Variants in SUGCT observed in about 807,000 individuals in gnomAD.
SUGCT encodes the protein succinyl-CoA:glutarate CoA-transferase.
In SUGCT, 41 loss-of-function variants were observed where a neutral mutation model predicts 55.0. That is an observed-to-expected ratio of 0.74 (90% confidence interval 0.58 to 0.97). The LOEUF is 0.97. SUGCT is among the 50% of genes least tolerant of loss of function. The pLI is 0.00. For synonymous variants in SUGCT, 187 were observed against 200.4 expected (o/e 0.93, Z 0.56); for missense variants, 568 against 547.8 (o/e 1.04, Z -0.37).
At chr7:40,515,771 A>G (rs970147761) in intron 12 of SUGCT, among the ~76,000 whole-genome samples, 3 of 152,200 alleles carry the variant, frequency 2.0e-5, no homozygotes, top group Non-Finnish European at 4.4e-5. Context: ...TAGTATGTCT[A>G]TGTAAATTCA....
the SUGCT span, among the ~76,000 whole-genome samples, chr7:40,905,028 G>A: frequency 2.0e-4 from 30 of 152,088 alleles, no homozygotes; most frequent in Non-Finnish European, 4.3e-4. Flanking sequence ...CTATAACATG[G>A]TTAACTCATG....
At chr7:40,498,399 A>T (rs902114926) in intron 12 of SUGCT, among the ~76,000 whole-genome samples, 1 of 152,188 alleles carries the variant, frequency 6.6e-6, no homozygotes, top group Non-Finnish European at 1.5e-5. Context: ...GTAGGGGTTA[A>T]TGAGTTGTTT....
At chr7:40,592,069 A>G (rs975568173) in intron 12 of SUGCT, among the ~76,000 whole-genome samples, 3 of 152,218 alleles carry the variant, frequency 2.0e-5, no homozygotes, top group Admixed American at 1.3e-4. Flanking sequence ...TTGCAAAAAG[A>G]CAGAATTTTT....
At chr7:40,740,559 T>C (rs1184278424) in intron 12 of SUGCT, among the ~76,000 whole-genome samples, 1 of 150,446 alleles carries the variant, frequency 6.6e-6, no homozygotes, top group Non-Finnish European at 1.5e-5. Flanking sequence ...ATTTTTATTA[T>C]TTTATTTTTA....
intron 12 of SUGCT, among the ~76,000 whole-genome samples, chr7:40,592,314 A>G (rs982987469): frequency 6.6e-6 from 1 of 152,166 alleles, no homozygotes; most frequent in Admixed American, 6.6e-5. Flanking sequence ...CAGAGATTCA[A>G]ATAAAATAAT....
intron 7 of SUGCT, among the ~76,000 whole-genome samples, chr7:40,248,013 GTTT>G (rs70996895): frequency 8.1e-6 from 1 of 123,064 alleles, no homozygotes; most frequent in African/African-American, 3.0e-5. Context: ...TTGTTTTTTT[GTTT>G]TTTTTTTTTT....
intron 13 of SUGCT, among the ~76,000 whole-genome samples, chr7:40,766,995 G>A (rs80302463): frequency 0.025 from 3,763 of 152,206 alleles, 171 homozygotes; most frequent in African/African-American, 0.085. Flanking sequence ...TATTGATGAT[G>A]ATGATTACAT....
chr7:40,371,505 G>T (rs545885853), intron 9 of SUGCT, among the ~76,000 whole-genome samples: 34 of 152,010 alleles, frequency 2.2e-4, no homozygotes, highest in Non-Finnish European at 4.9e-4. Flanking sequence ...TGCACTTCAG[G>T]TTCCTAAAAG....
chr7:40,838,447 T>G (rs1793103012), intron 13 of SUGCT, among the ~76,000 whole-genome samples: 1 of 152,220 alleles, frequency 6.6e-6, no homozygotes, highest in Non-Finnish European at 1.5e-5. Context: ...TTATCAGCAT[T>G]TTGTAATGTT....
chr7:40,811,938 A>G (rs1791440478), intron 13 of SUGCT, among the ~76,000 whole-genome samples: 1 of 152,036 alleles, frequency 6.6e-6, no homozygotes, highest in South Asian at 2.1e-4. Context: ...ATGTATGTTC[A>G]TTCAATGCCA....
the SUGCT span, among the ~76,000 whole-genome samples, chr7:40,918,850 A>G: frequency 1.3e-5 from 2 of 152,232 alleles, no homozygotes; most frequent in Admixed American, 6.5e-5. Flanking sequence ...ACAGGGTAAT[A>G]CTTTTAATCT....
intron 12 of SUGCT, among the ~76,000 whole-genome samples, chr7:40,575,338 C>A (rs1009282119): frequency 2.6e-5 from 4 of 151,906 alleles, no homozygotes; most frequent in Admixed American, 6.6e-5. Flanking sequence ...ATTTAAAAAA[C>A]AACAACAACA....
At chr7:41,018,230 C>G in the SUGCT span, among the ~76,000 whole-genome samples, 1 of 152,060 alleles carries the variant, frequency 6.6e-6, no homozygotes, top group Non-Finnish European at 1.5e-5. Context: ...ATAGGAAATG[C>G]AATCAAATGA....
chr7:40,268,642 T>C (rs2150982744), intron 7 of SUGCT, among the ~76,000 whole-genome samples: 1 of 150,918 alleles, frequency 6.6e-6, no homozygotes. Flanking sequence ...GCTTTCATTT[T>C]CTTGTTTTTA....
chr7:40,221,820 A>G (rs983343575), intron 6 of SUGCT, among the ~76,000 whole-genome samples: 12 of 152,314 alleles, frequency 7.9e-5, no homozygotes, highest in Non-Finnish European at 1.3e-4. Flanking sequence ...ATAAATGTTA[A>G]TTGAATGTTC....
chr7:40,822,887 A>T (rs1248698525), intron 13 of SUGCT, among the ~76,000 whole-genome samples: 1 of 152,190 alleles, frequency 6.6e-6, no homozygotes, highest in African/African-American at 2.4e-5. Flanking sequence ...GAAAGGAAAG[A>T]GTGGGAAATT....
intron 11 of SUGCT, among the ~76,000 whole-genome samples, chr7:40,474,334 G>A (rs1056061944): frequency 6.6e-6 from 1 of 152,024 alleles, no homozygotes; most frequent in Non-Finnish European, 1.5e-5. Context: ...AGGGAAGTGA[G>A]GCAGATAAAC....
At chr7:40,500,237 GCA>G (rs1201649376) in intron 12 of SUGCT, among the ~76,000 whole-genome samples, 1 of 152,138 alleles carries the variant, frequency 6.6e-6, no homozygotes, top group African/African-American at 2.4e-5. Context: ...GGAAGAGAGG[GCA>G]CAGGGTGTCA....
chr7:40,548,274 G>A (rs1234653887), intron 12 of SUGCT, among the ~76,000 whole-genome samples: 4 of 140,198 alleles, frequency 2.9e-5, no homozygotes, highest in Non-Finnish European at 6.0e-5. Flanking sequence ...CTGCAGCTTC[G>A]AACTCATGGG....
Sources: allele counts gnomAD v4.1 joint callset (sites outside exome capture counted in the v4.1 genomes callset), GRCh38; gene constraint gnomAD v4.1.1; transcripts MANE v1.5; gene names NCBI Gene and HGNC (gene_info 2026-07-23, HGNC 2026-07-21).